The following FRMD6 variants were observed in gnomAD, a reference collection of about 807,000 sequenced individuals.
FRMD6 encodes FERM domain containing 6, also known as FERM domain-containing protein 6.
In FRMD6, 37 loss-of-function variants were observed where a neutral mutation model predicts 73.2. The observed-to-expected ratio is 0.51, with a 90% confidence interval of 0.39 to 0.66. FRMD6 has a LOEUF of 0.66. FRMD6 is among the 30% of genes least tolerant of loss of function. The pLI is 0.00. For synonymous variants in FRMD6, 273 were observed against 282.2 expected, an observed-to-expected ratio of 0.97 and a Z score of 0.33; for missense variants, 714 against 780.5, an observed-to-expected ratio of 0.91 and a Z score of 1.02.
chr14:51,601,475 C>G (rs919625321), intron 2 of FRMD6, among the ~76,000 whole-genome samples: 1 of 152,252 alleles, frequency 6.6e-6, no homozygotes, highest in South Asian at 2.1e-4. Flanking sequence ...CTTTGCCTGT[C>G]CAAGGGTTAC....
chr14:51,702,415 A>G (rs1200461601), intron 4 of FRMD6, 97 bp from the exon 5 acceptor site: 6 of 977,882 alleles, frequency 6.1e-6, no homozygotes, highest in African/African-American at 1.6e-5. Flanking sequence ...CAGTGATCAA[A>G]AAGTATCTTG....
chr14:51,436,902 GTGA>G, the FRMD6 span: 1 of 937,262 alleles, frequency 1.1e-6, no homozygotes, highest in South Asian at 1.4e-5. Context: ...GAGGATGAAG[GTGA>G]AGAAGAAGAA....
At chr14:51,431,249 A>G in the FRMD6 span, among the ~76,000 whole-genome samples, 1 of 152,214 alleles carries the variant, frequency 6.6e-6, no homozygotes, top group African/African-American at 2.4e-5. Context: ...GTTTGCAAAC[A>G]GGAAACTGGT....
rs139584641 is a variant in FRMD6 at position 51,701,069 on chromosome 14, G to T, written c.204G>T (p.Val68=). 2 of 1,549,780 alleles carry T rather than the reference G, an allele frequency of 1.3e-6. No homozygotes were observed. The highest frequency in any genetic ancestry group is 1.8e-6 in the Non-Finnish European group (2 of 1,137,142). Residue 68 remains valine (V), a synonymous_variant, in exon 4 of 14, where the codon GTG becomes GTT. Coordinates refer to ENST00000344768, the MANE Select transcript of FRMD6 (RefSeq NM_001267046.2). ...GLSVIQNNEH[V]YMELSQKLYK... ...TTTAATGTACAGATAATGAACATGT[G>T]TATATGGAGTTGTCACAAAAGCTTT... is the stretch of plus-strand genomic sequence containing the variant.
At chr14:51,471,007 A>G in the FRMD6 span, among the ~76,000 whole-genome samples, 399 of 152,336 alleles carry the variant, frequency 2.6e-3, 9 homozygotes, top group East Asian at 0.057. Context: ...TTAGATAGTG[A>G]TCAATAGTAT....
intron 2 of FRMD6, among the ~76,000 whole-genome samples, chr14:51,584,544 G>T (rs949424160): frequency 2.6e-5 from 4 of 152,112 alleles, no homozygotes; most frequent in Admixed American, 6.5e-5. Context: ...AGAGGGAGTT[G>T]GCTTTATTAT....
intron 1 of FRMD6, among the ~76,000 whole-genome samples, chr14:51,568,409 G>C (rs1308530265): frequency 6.6e-6 from 1 of 152,264 alleles, no homozygotes; most frequent in Non-Finnish European, 1.5e-5. Context: ...AGGTGTAATG[G>C]GAGGAGAAAT....
chr14:51,442,762 C>T, the FRMD6 span, among the ~76,000 whole-genome samples: 1 of 152,322 alleles, frequency 6.6e-6, no homozygotes, highest in East Asian at 1.9e-4. Context: ...TCACTTCTTC[C>T]TCCTCTTGGG....
Position 51,660,315 on chromosome 14 carries a change from C to T in FRMD6, c.-147+8319C>T, listed in dbSNP as rs1002244430. Among the ~76,000 whole-genome samples, 7 of 152,100 alleles carry T rather than the reference C, an allele frequency of 4.6e-5. No individual in the cohort carries two copies. The East Asian group carries it at 7.7e-4, about 17-fold the overall frequency. On this transcript the variant is annotated intron_variant, in intron 1 of 13. Coordinates refer to ENST00000344768, the MANE Select transcript of FRMD6 (RefSeq NM_001267046.2). ...CCAGATGAGTGTGAAGTTGAGCTTTCGTTTTAGGGTCCAAAATCAAGGATG... is the reference window on the plus strand; with the variant it reads ...CCAGATGAGTGTGAAGTTGAGCTTTTGTTTTAGGGTCCAAAATCAAGGATG...
intron 1 of FRMD6, among the ~76,000 whole-genome samples, chr14:51,675,782 G>A (rs545655781): frequency 6.6e-6 from 1 of 152,032 alleles, no homozygotes; most frequent in East Asian, 1.9e-4. Context: ...CATGTACAAT[G>A]TGTGTGTGTG....
chr14:51,683,692 A>G lies in FRMD6; in HGVS notation c.-146-5999A>G, dbSNP rs141052921. Among the ~76,000 whole-genome samples, 853 of 152,306 alleles carry G rather than the reference A, an allele frequency of 5.6e-3. 7 individuals are homozygous for G. Among genetic ancestry groups the G allele is most frequent in the Middle Eastern group, 0.031 (9 of 294 alleles). The stretch of plus-strand genomic sequence containing the variant: ...CCCTTCCAATAATCTTAGGCGGCCA[A>G]TACTACAGATGTTACAGATGAAGAA... On this transcript the variant is annotated intron_variant, in intron 1 of 13. Coordinates refer to ENST00000344768, the MANE Select transcript of FRMD6 (RefSeq NM_001267046.2).
chr14:51,459,623 T>TC, the FRMD6 span, among the ~76,000 whole-genome samples: 1 of 151,872 alleles, frequency 6.6e-6, no homozygotes, highest in Non-Finnish European at 1.5e-5. Flanking sequence ...GTCAGGAGAT[T>TC]GAGACCATCC....
intron 1 of FRMD6, among the ~76,000 whole-genome samples, chr14:51,566,908 G>T (rs1216757611): frequency 6.6e-6 from 1 of 152,180 alleles, no homozygotes; most frequent in African/African-American, 2.4e-5. Flanking sequence ...ATTGGTTGAG[G>T]TTGAGCATTT....
At chr14:51,646,689 C>A (rs1490331824) in intron 2 of FRMD6, among the ~76,000 whole-genome samples, 1 of 150,904 alleles carries the variant, frequency 6.6e-6, no homozygotes, top group African/African-American at 2.4e-5. Context: ...GGGAATCCAC[C>A]CTTTGTCCTG....
intron 1 of FRMD6, among the ~76,000 whole-genome samples, chr14:51,562,016 G>C (rs1293208661): frequency 1.3e-5 from 2 of 152,036 alleles, no homozygotes; most frequent in East Asian, 3.9e-4. Flanking sequence ...TGTAGAATTT[G>C]GCCAGAATCA....
intron 1 of FRMD6, among the ~76,000 whole-genome samples, chr14:51,543,490 T>C (rs190862328): frequency 1.8e-4 from 28 of 152,186 alleles, no homozygotes; most frequent in Admixed American, 1.8e-3. Flanking sequence ...CATTTACTTT[T>C]ATATAATCTG....
At chr14:51,488,586 G>T (rs1882832928), upstream of FRMD6, among the ~76,000 whole-genome samples, 1 of 152,194 alleles carries the variant, frequency 6.6e-6, no homozygotes, top group Admixed American at 6.5e-5. Context: ...TATAATGCTT[G>T]CCTTATCTTT....
At chr14:51,659,071 T>C (rs1318289413) in intron 1 of FRMD6, among the ~76,000 whole-genome samples, 1 of 152,192 alleles carries the variant, frequency 6.6e-6, no homozygotes, top group Non-Finnish European at 1.5e-5. Context: ...GAAGACAGCA[T>C]AGAAGAGGGA....
chr14:51,618,275 G>C (rs750078273), intron 2 of FRMD6, among the ~76,000 whole-genome samples: 1 of 152,156 alleles, frequency 6.6e-6, no homozygotes, highest in Non-Finnish European at 1.5e-5. Flanking sequence ...GGAGGGAGAG[G>C]AAGGAAATGT....
Sources: gnomAD v4.1 joint callset for allele counts (sites outside exome capture counted in the v4.1 genomes callset) on GRCh38, gnomAD v4.1.1 for gene constraint, MANE v1.5 for transcripts, NCBI Gene and HGNC (gene_info 2026-07-23, HGNC 2026-07-21) for gene names.